The following DNAJA1 variants were observed in gnomAD, a reference collection of about 807,000 sequenced individuals.
DNAJA1 encodes dnaJ homolog subfamily A member 1.
In DNAJA1, 26 loss-of-function variants were observed where a neutral mutation model predicts 47.6. The observed-to-expected ratio is 0.55, with a 90% confidence interval of 0.40 to 0.76. The LOEUF is 0.76. Ranked by LOEUF, DNAJA1 falls within the 30% of genes least tolerant of loss-of-function variation. The pLI is 0.00. For synonymous variants in DNAJA1, 165 were observed against 158.4 expected (o/e 1.04, Z -0.31); for missense variants, 315 against 485.0 (o/e 0.65, Z 3.29).
intron 3 of DNAJA1, among the ~76,000 whole-genome samples, chr9:33,027,630 G>A (rs1323168928): frequency 6.7e-6 from 1 of 150,144 alleles, no homozygotes; most frequent in Non-Finnish European, 1.5e-5. Flanking sequence ...GAGGTGGGTG[G>A]ATCACTGAGG....
intron 3 of DNAJA1, among the ~76,000 whole-genome samples, chr9:33,028,962 A>G (rs916148434): frequency 6.6e-6 from 1 of 152,220 alleles, no homozygotes; most frequent in Admixed American, 6.5e-5. Context: ...AGGCAATAAT[A>G]TTGTTGTGAA....
Position 33,034,258 on chromosome 9 carries a change from A to AC in DNAJA1, c.688dup (p.Gln230ProfsTer39). On this transcript the variant is annotated frameshift_variant, in exon 6 of 9. Transcript: ENST00000330899. LOFTEE classifies it high-confidence loss of function. Reference sequence around the variant, plus strand: ...AAGATAACATTCCATGGTGAAGGAGACCAAGAACCAGGACTGGAGCCAGGC... The same window carrying AC: ...AAGATAACATTCCATGGTGAAGGAGACCCAAGAACCAGGACTGGAGCCAGGC... 1 of 1,607,184 alleles carries AC rather than the reference A, an allele frequency of 6.2e-7. No homozygotes were observed. Among genetic ancestry groups the AC allele is most frequent in the Non-Finnish European group, 8.5e-7 (1 of 1,178,314 alleles).
At chr9:33,031,387 G>A (rs929293589) in intron 5 of DNAJA1, among the ~76,000 whole-genome samples, 6 of 151,996 alleles carry the variant, frequency 3.9e-5, no homozygotes, top group Admixed American at 2.0e-4. Flanking sequence ...ATGAGCTACC[G>A]CACCCCGCCT....
intron 8 of DNAJA1, among the ~76,000 whole-genome samples, chr9:33,037,566 C>T (rs889039520): frequency 7.9e-5 from 12 of 152,126 alleles, no homozygotes. Flanking sequence ...CCTGTAGTCC[C>T]AGCTACTCGG....
chr9:33,036,937 A>G (rs1038889314), intron 7 of DNAJA1, 78 bp from the exon 8 acceptor site: 1 of 1,291,034 alleles, frequency 7.7e-7, no homozygotes, highest in Non-Finnish European at 1.1e-6. Context: ...GAGCTAGGAC[A>G]GTGCTCTGTT....
At position 33,030,657 on chromosome 9, in the gene DNAJA1, T is replaced by C. The variant is rs777650491; in HGVS notation, c.633T>C (p.His211=). The C allele has an allele frequency of 1.9e-6, 3 of 1,611,736 alleles. No homozygotes were observed. Among genetic ancestry groups the C allele is most frequent in the South Asian group, 2.2e-5 (2 of 90,586 alleles). The change falls in exon 5 of 9, where the codon CAT becomes CAC. Residue 211 remains histidine, a synonymous_variant. Coordinates refer to ENST00000330899, the MANE Select transcript of DNAJA1 (RefSeq NM_001539.4). ...GAGAGAAGAAAATTTTAGAAGTTCA[T>C]ATTGACAAAGGTGAGTTCTGAGTTA... The part of the protein sequence containing the change: ...IVREKKILEV[H]IDKGMKDGQK...
At chr9:33,033,466 C>T (rs909603388) in intron 5 of DNAJA1, among the ~76,000 whole-genome samples, 3 of 151,792 alleles carry the variant, frequency 2.0e-5, no homozygotes, top group Admixed American at 6.6e-5. Flanking sequence ...TATAGGATGC[C>T]GAGGCAGGAT....
rs1339696084 is a variant in DNAJA1 at position 33,039,147 on chromosome 9, A to G, written c.*244A>G. 4.1e-6 allele frequency: 2 copies of G among 484,012 alleles called. No individual in the cohort carries two copies. Among genetic ancestry groups the G allele is most frequent in the Non-Finnish European group, 7.4e-6 (2 of 268,586 alleles). 30.0% of individuals were successfully genotyped at this position (484,012 alleles called of 1,614,324 possible). On this transcript the variant is annotated 3_prime_UTR_variant, in exon 9 of 9. Transcript: ENST00000330899. ...GTAAAAACTACAAAGAAGTTCCCCT[A>G]GCATTTCTAGGCCAAACCTTGTAAT... is the stretch of plus-strand genomic sequence containing the variant.
chr9:33,030,308 C>T, intron 4 of DNAJA1, 132 bp from the exon 5 acceptor site: 3 of 801,148 alleles, frequency 3.7e-6, no homozygotes, highest in South Asian at 1.9e-5. Context: ...ATCAGTTGTA[C>T]ATTCAGAGGG....
In DNAJA1 at chr9:33,030,620, G is replaced by T; in HGVS notation, c.596G>T (p.Arg199Met). Residue 199 changes from arginine (R) to methionine (M), a missense_variant, in exon 5 of 9, where the codon AGG (arginine) becomes ATG (methionine). Physicochemically the swap from Arg to Met is moderately conservative, Grantham distance 91. Coordinates refer to ENST00000330899, the MANE Select transcript of DNAJA1 (RefSeq NM_001539.4). ...GATAGATGTAAAAGCTGCAACGGAA[G>T]GAAGATAGTTCGAGAGAAGAAAATT... ...PKDRCKSCNG[R>M]KIVREKKILE... 1 of 1,614,048 alleles carries T rather than the reference G, an allele frequency of 6.2e-7. No individual in the cohort carries two copies. Among genetic ancestry groups the T allele is most frequent in the South Asian group, 1.1e-5 (1 of 91,060 alleles).
chr9:33,033,801 A>G (rs890528930), intron 5 of DNAJA1, among the ~76,000 whole-genome samples: 2 of 152,246 alleles, frequency 1.3e-5, no homozygotes, highest in Non-Finnish European at 2.9e-5. Context: ...TTGATGTGTT[A>G]TAAGTAATGA....
intron 6 of DNAJA1, 52 bp from the exon 7 acceptor site, chr9:33,036,522 A>G: frequency 4.8e-6 from 6 of 1,246,494 alleles, no homozygotes; most frequent in Non-Finnish European, 5.7e-6. Context: ...GCTTTGGTAC[A>G]TCTACTGATT....
Position 33,037,007 on chromosome 9 carries a change from GT to G in DNAJA1, c.875-3del, listed in dbSNP as rs772673130. 5.0e-6 allele frequency: 8 copies of G among 1,603,112 alleles called. No individual in the cohort carries two copies. The highest frequency in any genetic ancestry group is 6.8e-6 in the Non-Finnish European group (8 of 1,176,574). On this transcript the variant is annotated splice_polypyrimidine_tract_variant and splice_region_variant and intron_variant, in intron 7 of 8. Coordinates refer to ENST00000330899, the MANE Select transcript of DNAJA1 (RefSeq NM_001539.4). ...ACTTAAGGAAGAACTTGGCTTCAATGTTTTTAGGTCAGATTGTCAAGCATGG... is the reference window on the plus strand; with the variant it reads ...ACTTAAGGAAGAACTTGGCTTCAATGTTTTAGGTCAGATTGTCAAGCATGG...
At chr9:33,029,231 G>A (rs1838923088) in intron 3 of DNAJA1, among the ~76,000 whole-genome samples, 2 of 152,152 alleles carry the variant, frequency 1.3e-5, no homozygotes, top group African/African-American at 4.8e-5. Flanking sequence ...CTGCTACGTT[G>A]GACAGAACAG....
At chr9:33,027,765 G>T (rs549950300) in intron 3 of DNAJA1, among the ~76,000 whole-genome samples, 1 of 151,938 alleles carries the variant, frequency 6.6e-6, no homozygotes, top group African/African-American at 2.4e-5. Context: ...CAGGAGAATC[G>T]CTTGAACCCT....
chr9:33,036,737 T>G, intron 7 of DNAJA1, 48 bp downstream of exon 7: 1 of 1,398,514 alleles, frequency 7.2e-7, no homozygotes. Context: ...TTCTAGTATT[T>G]TCCTTGTCTC....
rs373076852 is a variant in DNAJA1, at chr9:33,026,550, G to A, written c.66G>A (p.Leu22=). The change falls in exon 2 of 9, where the codon TTG becomes TTA. Residue 22 remains leucine, a synonymous_variant. Coordinates refer to ENST00000330899, the MANE Select transcript of DNAJA1 (RefSeq NM_001539.4). The part of the protein sequence containing the change: ...GVKPNATQEE[L]KKAYRKLALK... ...AACCCAATGCTACTCAGGAAGAATT[G>A]AAAAAGGCTTATAGGAAACTGGCTT... is the stretch of plus-strand genomic sequence containing the variant. 2.8e-4 allele frequency: 444 copies of A among 1,610,302 alleles called. No homozygotes were observed. The highest frequency in any genetic ancestry group is 3.6e-4 in the Non-Finnish European group (420 of 1,179,104).
intron 8 of DNAJA1, among the ~76,000 whole-genome samples, chr9:33,038,162 G>A (rs564714089): frequency 4.6e-5 from 7 of 152,046 alleles, no homozygotes; most frequent in Admixed American, 3.9e-4. Context: ...CCGCCACCAC[G>A]CTGGGCTTTT....
chr9:33,028,867 T>C (rs1838916646), intron 3 of DNAJA1, among the ~76,000 whole-genome samples: 1 of 152,242 alleles, frequency 6.6e-6, no homozygotes, highest in Non-Finnish European at 1.5e-5. Flanking sequence ...TAATTAATGG[T>C]ATTTCATGCT....
Sources: allele counts gnomAD v4.1 joint callset (sites outside exome capture counted in the v4.1 genomes callset), GRCh38; gene constraint gnomAD v4.1.1; transcripts MANE v1.5; gene names NCBI Gene and HGNC (gene_info 2026-07-23, HGNC 2026-07-21).